Variants in A4GNT observed in about 807,000 individuals in gnomAD.
A4GNT encodes the protein alpha-1,4-N-acetylglucosaminyltransferase.
A neutral mutation model predicts 8.3 loss-of-function variants in A4GNT; 6 were observed. The observed-to-expected ratio is 0.72, with a 90% CI of 0.39 to 1.42. A4GNT has a LOEUF of 1.42. Ranked by LOEUF, A4GNT falls within the 40% of genes most tolerant of loss-of-function variation. The pLI, the probability that A4GNT is intolerant of heterozygous loss-of-function variation, is 0.02. For synonymous variants in A4GNT, 157 were observed against 159.8 expected (o/e 0.98, Z 0.13); for missense variants, 377 against 417.0 (o/e 0.90, Z 0.84).
At chr3:138,130,316 G>A (rs2042768807) in intron 2 of A4GNT, among the ~76,000 whole-genome samples, 1 of 152,018 alleles carries the variant, frequency 6.6e-6, no homozygotes, top group Non-Finnish European at 1.5e-5. Context: ...AGAAATATTA[G>A]ACTGGCACAT....
rs1022714913 is a variant in A4GNT, at chr3:138,130,954, T to G, written c.303A>C (p.Thr101=). ...TDSTPMPSNS[T]YPAFSFLSAI... ...CTGACAGGAAGGAAAAAGCTGGGTA[T>G]GTGGAGTTTGAGGGCATCGGTGTGG... Residue 101 remains threonine (T), a synonymous_variant, in exon 2 of 3, where the codon ACA becomes ACC. Coordinates refer to ENST00000236709, the MANE Select transcript of A4GNT (RefSeq NM_016161.3). The G allele has an allele frequency of 6.2e-7, 1 of 1,614,042 alleles. No individual in the cohort carries two copies. The highest frequency in any genetic ancestry group is 1.3e-5 in the African/African-American group (1 of 74,914).
chr3:138,124,525 G>A lies in A4GNT; in HGVS notation c.762C>T (p.Phe254=), dbSNP rs369495396. ...VSDLRCLNIS[F]LHPQRFYPIS... is the part of the protein sequence containing the mutation. ...TGGGGTAAAATCTTTGGGGGTGTAA[G>A]AAGGATATGTTCAGACACCTGAGGT... The change falls in exon 3 of 3, where the codon TTC becomes TTT. Residue 254 remains phenylalanine, a synonymous_variant. Coordinates refer to ENST00000236709, the MANE Select transcript of A4GNT (RefSeq NM_016161.3). The A allele has an allele frequency of 1.2e-6, 2 of 1,614,224 alleles. No homozygotes were observed. The highest frequency in any genetic ancestry group is 3.3e-5 in the Admixed American group (2 of 60,028).
chr3:138,132,021 G>A (rs1283345137), intron 1 of A4GNT, among the ~76,000 whole-genome samples, 191 bp downstream of exon 1: 1 of 152,042 alleles, frequency 6.6e-6, no homozygotes, highest in Non-Finnish European at 1.5e-5. Flanking sequence ...TATTAAAAGA[G>A]GCAAAAGTAT....
chr3:138,125,575 A>C (rs976521256), intron 2 of A4GNT, among the ~76,000 whole-genome samples: 1 of 152,324 alleles, frequency 6.6e-6, no homozygotes, highest in East Asian at 1.9e-4. Context: ...TGAAGGGGCC[A>C]GGGTGGAGCG....
chr3:138,128,555 G>A (rs1468118082), intron 2 of A4GNT, among the ~76,000 whole-genome samples: 3 of 152,044 alleles, frequency 2.0e-5, no homozygotes, highest in Admixed American at 6.5e-5. Context: ...GCACCAAGTC[G>A]TGAGTGATCC....
At chr3:138,124,954 A>G (rs2042737234) in intron 2 of A4GNT, 76 bp from the exon 3 acceptor site, 8 of 1,532,006 alleles carry the variant, frequency 5.2e-6, no homozygotes, top group South Asian at 2.5e-5. Flanking sequence ...GGCCAGGCCC[A>G]GAGAGGCTGG....
intron 1 of A4GNT, 110 bp from the exon 2 acceptor site, chr3:138,131,392 T>G: frequency 1.1e-6 from 1 of 910,670 alleles, no homozygotes; most frequent in Non-Finnish European, 1.5e-6. Flanking sequence ...TTAAATATCC[T>G]AAATAAAATA....
At chr3:138,127,700 GCATC>G (rs1361019018) in intron 2 of A4GNT, among the ~76,000 whole-genome samples, 7 of 152,244 alleles carry the variant, frequency 4.6e-5, no homozygotes, top group African/African-American at 1.7e-4. Flanking sequence ...TCATTCCTGG[GCATC>G]ATCAAGGGCT....
upstream of A4GNT, among the ~76,000 whole-genome samples, chr3:138,132,564 GATT>G (rs1227069372): frequency 6.6e-6 from 1 of 152,204 alleles, no homozygotes; most frequent in Admixed American, 6.5e-5. Flanking sequence ...GGGTTTACCA[GATT>G]TTTAAGGTGA....
At chr3:138,131,400 A>C in intron 1 of A4GNT, 118 bp from the exon 2 acceptor site, 3 of 881,152 alleles carry the variant, frequency 3.4e-6, no homozygotes, top group South Asian at 3.4e-5. Flanking sequence ...CCTAAATAAA[A>C]TATGATGAAA....
In A4GNT at chr3:138,130,860, A is replaced by G. The variant is rs142128158; in HGVS notation, c.397T>C (p.Trp133Arg). Residue 133 changes from tryptophan (W) to arginine (R), a missense_variant, in exon 2 of 3, where the codon TGG becomes CGG. By Grantham distance (101) the Trp-to-Arg change is moderately radical. Transcript: ENST00000236709. ...RLLEDTPLFS[W>R]YNQINASAER... ...CCCTAAACACTTACTTGATTGTACC[A>G]TGAAAACAATGGTGTGTCTTCAAGC... The G allele has an allele frequency of 4.0e-4, 652 of 1,613,836 alleles. No homozygotes were observed. Among genetic ancestry groups the G allele is most frequent in the Non-Finnish European group, 5.0e-4 (592 of 1,179,932 alleles).
intron 1 of A4GNT, 33 bp downstream of exon 1, chr3:138,132,179 C>T (rs112679673): frequency 3.3e-5 from 5 of 152,230 alleles, no homozygotes; most frequent in Non-Finnish European, 5.9e-5. Flanking sequence ...CTTGCATCCA[C>T]CTGCCACCAA....
At chr3:138,127,527 T>TCA (rs2042753166) in intron 2 of A4GNT, among the ~76,000 whole-genome samples, 1 of 148,708 alleles carries the variant, frequency 6.7e-6, no homozygotes, top group Admixed American at 6.7e-5. Flanking sequence ...TGAGCCGAGA[T>TCA]CACGCCACTG....
intron 2 of A4GNT, among the ~76,000 whole-genome samples, chr3:138,125,227 C>A (rs1374214435): frequency 1.3e-5 from 2 of 151,902 alleles, no homozygotes; most frequent in Non-Finnish European, 2.9e-5. Flanking sequence ...CGTGGGTGTA[C>A]ATAAACTACA....
chr3:138,127,143 A>G (rs2042750741), intron 2 of A4GNT, among the ~76,000 whole-genome samples: 1 of 151,556 alleles, frequency 6.6e-6, no homozygotes, highest in African/African-American at 2.4e-5. Flanking sequence ...AAAAAAAACA[A>G]TAATTGTGAC....
rs142153791 is a variant in A4GNT at position 138,130,782 on chromosome 3, G to A, written c.408+67C>T. The A allele has an allele frequency of 4.1e-4, 639 of 1,541,412 alleles. 1 individual carries two copies. In the African/African-American group the frequency reaches 8.0e-3, roughly 19 times the overall value. On this transcript the variant is annotated intron_variant, in intron 2 of 2. Transcript: ENST00000236709. Reference sequence around the variant, plus strand: ...TGGGTTCTATTCCCATCTCCGACCTGAGTCCTTACCCTCAGTTTACCCATA... The same window carrying A: ...TGGGTTCTATTCCCATCTCCGACCTAAGTCCTTACCCTCAGTTTACCCATA...
Position 138,124,844 on chromosome 3 carries a change from A to T in A4GNT, c.443T>A (p.Ile148Asn). ...NASAERNWLHISSDASRLAII... is the reference protein window; with the variant it reads ...NASAERNWLHNSSDASRLAII... The stretch of plus-strand genomic sequence containing the variant: ...GGCCAGGCGGGATGCATCCGAGCTG[A>T]TGTGGAGCCAGTTTCTCTCTGCGCT... Residue 148 changes from isoleucine to asparagine, a missense_variant, in exon 3 of 3, where the codon ATC (isoleucine) becomes AAC (asparagine). Ile to Asn is a moderately radical substitution (Grantham distance 149). Coordinates refer to ENST00000236709, the MANE Select transcript of A4GNT (RefSeq NM_016161.3). The T allele has an allele frequency of 6.2e-7, 1 of 1,612,926 alleles. No homozygotes were observed. The highest frequency in any genetic ancestry group is 8.5e-7 in the Non-Finnish European group (1 of 1,179,640).
chr3:138,130,014 C>G (rs1480356803), intron 2 of A4GNT, among the ~76,000 whole-genome samples: 2 of 151,070 alleles, frequency 1.3e-5, no homozygotes, highest in African/African-American at 4.8e-5. Flanking sequence ...ACATTCTCAT[C>G]ACTAAATTCA....
intron 2 of A4GNT, 68 bp downstream of exon 2, chr3:138,130,781 T>A: frequency 6.5e-7 from 1 of 1,541,056 alleles, no homozygotes; most frequent in East Asian, 2.3e-5. Context: ...ATCTCCGACC[T>A]GAGTCCTTAC....
Sources: allele counts gnomAD v4.1 joint callset (sites outside exome capture counted in the v4.1 genomes callset), GRCh38; gene constraint gnomAD v4.1.1; transcripts MANE v1.5; gene names NCBI Gene and HGNC (gene_info 2026-07-23, HGNC 2026-07-21).